CSMD1: variants seen among roughly 807,000 people sequenced by gnomAD.
CSMD1 encodes CUB and Sushi multiple domains 1.
CSMD1 carries 213 observed loss-of-function variants against 417.5 expected under a neutral mutation model. The observed-to-expected ratio is 0.51, with a 90% confidence interval of 0.46 to 0.57. CSMD1 has a LOEUF of 0.57. CSMD1 is among the 20% of genes least tolerant of loss of function. The pLI, the probability that CSMD1 is intolerant of heterozygous loss-of-function variation, is 0.00. For missense variants in CSMD1, 6,923 were observed against 4,529.7 expected, an observed-to-expected ratio of 1.53 and a Z score of -15.17; for synonymous variants, 2,862 against 1,736.8, an observed-to-expected ratio of 1.65 and a Z score of -16.11.
chr8:4,400,228 C>G (rs1230650007), intron 3 of CSMD1, among the ~76,000 whole-genome samples: 5 of 152,164 alleles, frequency 3.3e-5, no homozygotes, highest in Non-Finnish European at 5.9e-5. Flanking sequence ...AAGTTGCAAA[C>G]TTATGGACAT....
intron 11 of CSMD1, among the ~76,000 whole-genome samples, chr8:3,486,892 G>T (rs763446972): frequency 7.2e-5 from 11 of 152,154 alleles, no homozygotes; most frequent in Non-Finnish European, 1.3e-4. Flanking sequence ...ACCACACAGG[G>T]TGTCCAGAGA....
At chr8:4,804,587 G>A (rs1481655718) in intron 1 of CSMD1, among the ~76,000 whole-genome samples, 1 of 151,472 alleles carries the variant, frequency 6.6e-6, no homozygotes. Flanking sequence ...GAGGGAGGAA[G>A]GAAGGAAGGA....
intron 3 of CSMD1, among the ~76,000 whole-genome samples, chr8:4,062,869 G>A (rs1039424289): frequency 4.6e-5 from 7 of 150,824 alleles, no homozygotes; most frequent in African/African-American, 1.7e-4. Context: ...ATGAAAGCCT[G>A]TACGTAATAC....
intron 2 of CSMD1, among the ~76,000 whole-genome samples, chr8:4,446,367 G>A (rs1476123383): frequency 6.6e-6 from 1 of 152,004 alleles, no homozygotes; most frequent in Non-Finnish European, 1.5e-5. Flanking sequence ...GGGCAACATG[G>A]CAGAACCCCA....
At chr8:3,168,614 G>A (rs1563105074) in intron 37 of CSMD1, among the ~76,000 whole-genome samples, 1 of 144,974 alleles carries the variant, frequency 6.9e-6, no homozygotes, top group Admixed American at 7.0e-5. Context: ...AGTGTGTAAG[G>A]AGTCAGTAAG....
chr8:4,838,536 C>T (rs1473848512), intron 1 of CSMD1, among the ~76,000 whole-genome samples: 1 of 152,176 alleles, frequency 6.6e-6, no homozygotes, highest in African/African-American at 2.4e-5. Context: ...GCATTTACTC[C>T]GCTTTTACCT....
chr8:4,309,129 A>T lies in CSMD1; in HGVS notation c.415+110824T>A, dbSNP rs548946677. Among the ~76,000 whole-genome samples the T allele has an allele frequency of 4.6e-5, 7 of 152,288 alleles. No homozygotes were observed. The South Asian group carries it at 1.5e-3, about 32-fold the overall frequency. ...TCTAGTTTAATCAATGTCAGGGTGT[A>T]CTTTGCACACACAGGCCAATTCAAC... is the stretch of plus-strand genomic sequence containing the variant. On this transcript the variant is annotated intron_variant, in intron 3 of 69. Transcript: ENST00000635120.
intron 5 of CSMD1, among the ~76,000 whole-genome samples, chr8:3,901,892 T>C (rs1036466418): frequency 5.9e-5 from 9 of 152,218 alleles, no homozygotes; most frequent in Non-Finnish European, 1.0e-4. Flanking sequence ...TCCCATTAGA[T>C]CATTTTAGAT....
At chr8:3,618,183 T>C (rs1386458608) in intron 7 of CSMD1, among the ~76,000 whole-genome samples, 1 of 152,012 alleles carries the variant, frequency 6.6e-6, no homozygotes, top group Non-Finnish European at 1.5e-5. Context: ...AAAAAAAATC[T>C]TTTCTAGAGA....
chr8:4,947,949 T>G (rs905342172), intron 1 of CSMD1, among the ~76,000 whole-genome samples: 1 of 152,110 alleles, frequency 6.6e-6, no homozygotes, highest in Admixed American at 6.6e-5. Flanking sequence ...CGTTTATTCC[T>G]ATTGTTTTCT....
At chr8:4,545,756 C>T (rs567233297) in intron 2 of CSMD1, among the ~76,000 whole-genome samples, 2 of 152,246 alleles carry the variant, frequency 1.3e-5, no homozygotes, top group South Asian at 2.1e-4. Context: ...CATGGAAAAA[C>T]GCATCTGTAC....
In CSMD1 at chr8:3,180,915, A is replaced by T. The variant is rs1310658286; in HGVS notation, c.5725+195T>A. 2.0e-5 allele frequency among the ~76,000 whole-genome samples: 3 copies of T among 152,148 alleles called. No individual in the cohort carries two copies. The East Asian group carries it at 5.8e-4, about 29-fold the overall frequency. ...CACCTCTTCCTCCCAACGTGCTGGG[A>T]TTATAGGCATGAGTCACCGCAACTG... On this transcript the variant is annotated intron_variant, in intron 37 of 69. Transcript: ENST00000635120.
intron 1 of CSMD1, among the ~76,000 whole-genome samples, chr8:4,966,009 G>C (rs985933417): frequency 6.6e-6 from 1 of 151,980 alleles, no homozygotes; most frequent in Non-Finnish European, 1.5e-5. Context: ...TCAGACTGAA[G>C]GATACTTTAT....
chr8:4,006,996 T>G (rs1318475025), intron 4 of CSMD1, among the ~76,000 whole-genome samples: 1 of 151,690 alleles, frequency 6.6e-6, no homozygotes, highest in Non-Finnish European at 1.5e-5. Flanking sequence ...CCCGGCTAAT[T>G]TTTGTGTGTA....
chr8:3,883,193 A>G (rs997772260), intron 5 of CSMD1, among the ~76,000 whole-genome samples: 1 of 152,194 alleles, frequency 6.6e-6, no homozygotes, highest in Non-Finnish European at 1.5e-5. Flanking sequence ...AATGCAAGAA[A>G]TGCAATTTAC....
chr8:3,722,250 G>C (rs773230377), intron 6 of CSMD1, among the ~76,000 whole-genome samples: 12 of 152,124 alleles, frequency 7.9e-5, no homozygotes, highest in Non-Finnish European at 1.6e-4. Context: ...AGAGATTGCA[G>C]TGAGTCGAGA....
chr8:3,790,940 G>C (rs1392330795), intron 5 of CSMD1, among the ~76,000 whole-genome samples: 1 of 152,110 alleles, frequency 6.6e-6, no homozygotes, highest in African/African-American at 2.4e-5. Flanking sequence ...GATGACACCT[G>C]TCATTTTAAC....
In CSMD1 at chr8:4,312,374, C is replaced by T. The variant is rs528873590; in HGVS notation, c.415+107579G>A. 9.0e-3 allele frequency among the ~76,000 whole-genome samples: 570 copies of T among 63,520 alleles called. 44 individuals carry two copies. The highest frequency in any genetic ancestry group is 0.04 in the African/African-American group (536 of 13,308). The allele number at this position is 63,520 out of a possible 152,430, so 41.7% of individuals were successfully genotyped here. A position where few individuals can be genotyped will look rare whatever the true frequency, so the allele number is the denominator to read the frequency against. On this transcript the variant is annotated intron_variant, in intron 3 of 69. Coordinates refer to ENST00000635120, the MANE Select transcript of CSMD1 (RefSeq NM_033225.6). ...AATAAGCTAATTACTTTTAATGGAA[C>T]AAATATATATATATATATACATACA... is the stretch of plus-strand genomic sequence containing the variant.
chr8:3,789,921 C>T lies in CSMD1; in HGVS notation c.819-35879G>A, dbSNP rs572553755. Among the ~76,000 whole-genome samples, 17 of 151,946 alleles carry T rather than the reference C, an allele frequency of 1.1e-4. No individual in the cohort carries two copies. The East Asian group carries it at 1.6e-3, about 14-fold the overall frequency. On this transcript the variant is annotated intron_variant, in intron 5 of 69. Transcript: ENST00000635120. ...TAATTTTTTGTATTTTCAGTAGAGA[C>T]GGGGTTTCACCATGTTAGCCAGGAT...
Sources: allele counts gnomAD v4.1 joint callset (sites outside exome capture counted in the v4.1 genomes callset), GRCh38; gene constraint gnomAD v4.1.1; transcripts MANE v1.5; gene names NCBI Gene and HGNC (gene_info 2026-07-23, HGNC 2026-07-21).